Variants in KMT2C observed in about 807,000 individuals in gnomAD.
KMT2C encodes histone-lysine N-methyltransferase 2C.
A neutral mutation model predicts 507.9 loss-of-function variants in KMT2C; 88 were observed. The ratio of observed to expected loss-of-function variants is 0.17; its 90% CI spans 0.15 to 0.21. KMT2C has a LOEUF of 0.21. KMT2C is among the 10% of genes least tolerant of loss of function. KMT2C has a pLI of 1.00. For missense variants in KMT2C, 4,954 were observed against 5,957.8 expected (o/e 0.83, Z 5.55); for synonymous variants, 2,049 against 2,080.8 (o/e 0.98, Z 0.42).
Position 152,169,162 on chromosome 7 carries a change from T to A in KMT2C, c.9517+24A>T, listed in dbSNP as rs750912099. On this transcript the variant is annotated intron_variant, in intron 41 of 58. Transcript: ENST00000262189. ...GCAGACAAGCAATCCCCAGAAAACA[T>A]TAACTTATTAGATTTATACTTACTG... 6.9e-6 allele frequency: 10 copies of A among 1,448,192 alleles called. No homozygotes were observed. The East Asian group carries it at 2.3e-4, about 33-fold the overall frequency. 89.7% of individuals were successfully genotyped at this position (1,448,192 alleles called of 1,614,324 possible). A position where few individuals can be genotyped will look rare whatever the true frequency, so the allele number is the denominator to read the frequency against.
intron 1 of KMT2C, among the ~76,000 whole-genome samples, chr7:152,385,553 A>G (rs1163280698): frequency 1.0e-5 from 1 of 98,630 alleles, no homozygotes; most frequent in Non-Finnish European, 1.7e-5. Context: ...CGGAGCTTGC[A>G]GTGAGCCGAG....
intron 6 of KMT2C, among the ~76,000 whole-genome samples, chr7:152,307,205 G>A (rs1485490791): frequency 9.1e-6 from 1 of 110,418 alleles, no homozygotes; most frequent in African/African-American, 4.4e-5. Flanking sequence ...GAGGAAGGAA[G>A]GAAGGAAGGA....
intron 1 of KMT2C, among the ~76,000 whole-genome samples, chr7:152,435,026 G>A (rs1057418052): frequency 7.9e-5 from 12 of 152,094 alleles, no homozygotes; most frequent in South Asian, 2.1e-4. Context: ...GGGGAGGGGG[G>A]AGGAAGAAGT....
At chr7:152,241,029 A>G (rs2885111) in intron 14 of KMT2C, among the ~76,000 whole-genome samples, 1 of 152,070 alleles carries the variant, frequency 6.6e-6, no homozygotes, top group Non-Finnish European at 1.5e-5. Context: ...ACCTTTCCCA[A>G]TGCCTTTCTC....
chr7:152,221,256 C>CA (rs1205178462), intron 22 of KMT2C, among the ~76,000 whole-genome samples: 3 of 152,150 alleles, frequency 2.0e-5, no homozygotes, highest in Admixed American at 1.3e-4. Context: ...GACTCTGTCT[C>CA]AAAAAAGTCT....
chr7:152,153,874 C>A (rs1325079029), intron 48 of KMT2C, 136 bp downstream of exon 48: 1 of 820,950 alleles, frequency 1.2e-6, no homozygotes, highest in East Asian at 2.6e-5. Flanking sequence ...GAGAGGTCTG[C>A]AGTGAGCATC....
At chr7:152,257,854 TAC>T (rs1239220064) in intron 9 of KMT2C, among the ~76,000 whole-genome samples, 3 of 149,074 alleles carry the variant, frequency 2.0e-5, no homozygotes, top group Non-Finnish European at 2.9e-5. Context: ...GCCGATGAGC[TAC>T]ACACACACGC....
In KMT2C at chr7:152,148,195, C is replaced by A. The variant is rs2129094951; in HGVS notation, c.13732G>T (p.Val4578Leu). ...AFHSPKALFP[V>L]GYEASRLYWS... is the part of the protein sequence containing the mutation. ...TACAGCCGGCTGGCTTCATAGCCCA[C>A]AGGGAAGAGTGCTTTAGGAGAATGG... Residue 4578 changes from valine (V) to leucine (L), a missense_variant, in exon 52 of 59, where the codon GTG (valine) becomes TTG (leucine). By Grantham distance (32) the Val-to-Leu change is conservative (BLOSUM62 1). Transcript: ENST00000262189. The surrounding 1 kb of genome is among the most constrained non-coding windows in gnomAD (Gnocchi z 7.1). The A allele has an allele frequency of 3.1e-6, 5 of 1,614,214 alleles. No individual in the cohort carries two copies. The highest frequency in any genetic ancestry group is 4.2e-6 in the Non-Finnish European group (5 of 1,180,022).
In KMT2C at chr7:152,181,377, T is replaced by C; in HGVS notation, c.6483A>G (p.Gln2161=). 6.2e-7 allele frequency: 1 copy of C among 1,613,108 alleles called. No individual in the cohort carries two copies. The change falls in exon 36 of 59, where the codon CAA becomes CAG. Residue 2161 remains glutamine (Q), a synonymous_variant. Coordinates refer to ENST00000262189, the MANE Select transcript of KMT2C (RefSeq NM_170606.3). ...TARSNTDPYS[Q]PPGTPRPTTV... is the part of the protein sequence containing the mutation. The stretch of plus-strand genomic sequence containing the variant: ...TAGTAGGCCGGGGAGTTCCAGGAGG[T>C]TGAGAGTAAGGGTCTGTATTGGACC...
intron 2 of KMT2C, among the ~76,000 whole-genome samples, chr7:152,341,655 T>C (rs2096993769): frequency 6.6e-6 from 1 of 152,160 alleles, no homozygotes; most frequent in African/African-American, 2.4e-5. Context: ...CACCACAGTA[T>C]ATAATTTTAA....
chr7:152,349,507 T>G (rs1289865011), intron 2 of KMT2C, among the ~76,000 whole-genome samples: 2 of 151,864 alleles, frequency 1.3e-5, no homozygotes, highest in African/African-American at 4.8e-5. Context: ...TAAATGCATA[T>G]TATTAAGTGA....
intron 6 of KMT2C, among the ~76,000 whole-genome samples, chr7:152,308,673 CAAAAAAAAAA>C (rs938826373): frequency 1.1e-3 from 26 of 24,566 alleles, no homozygotes; most frequent in African/African-American, 3.0e-3. Flanking sequence ...AAACTCCTCT[CAAAAAAAAAA>C]AAAAAAAAAA....
chr7:152,152,586 A>AG, intron 49 of KMT2C, 119 bp downstream of exon 49: 1 of 1,236,116 alleles, frequency 8.1e-7, no homozygotes, highest in East Asian at 2.3e-5. Context: ...AAGTTCACCA[A>AG]GGACTATACG....
intron 27 of KMT2C, among the ~76,000 whole-genome samples, chr7:152,196,339 G>A (rs749837030): frequency 2.0e-5 from 3 of 152,206 alleles, no homozygotes; most frequent in Admixed American, 1.3e-4. Context: ...AAAGTGGCAT[G>A]TCTAAAAGTG....
intron 6 of KMT2C, among the ~76,000 whole-genome samples, chr7:152,282,089 C>T (rs111986420): frequency 4.0e-5 from 6 of 151,700 alleles, no homozygotes; most frequent in Admixed American, 2.6e-4. Flanking sequence ...ACCAGGAGTT[C>T]GAGACCAACC....
intron 42 of KMT2C, among the ~76,000 whole-genome samples, chr7:152,166,431 A>C (rs752969039): frequency 6.6e-6 from 1 of 152,086 alleles, no homozygotes; most frequent in Non-Finnish European, 1.5e-5. Flanking sequence ...CTGAACCTTA[A>C]GTTTTTAATT....
chr7:152,298,383 T>C (rs2360876), intron 6 of KMT2C, among the ~76,000 whole-genome samples: 1 of 151,986 alleles, frequency 6.6e-6, no homozygotes, highest in Non-Finnish European at 1.5e-5. Context: ...ATCAGGGATA[T>C]ATTATTAATA....
At chr7:152,338,599 A>AC (rs1489348810) in intron 2 of KMT2C, among the ~76,000 whole-genome samples, 4 of 152,248 alleles carry the variant, frequency 2.6e-5, no homozygotes, top group African/African-American at 9.6e-5. Context: ...TTTTAAAAAA[A>AC]GAATAACATC....
chr7:152,251,563 G>T (rs2095562545), intron 11 of KMT2C, among the ~76,000 whole-genome samples: 1 of 152,086 alleles, frequency 6.6e-6, no homozygotes. Flanking sequence ...GGCTGAAAAG[G>T]TGATAATTAA....
Sources: allele counts gnomAD v4.1 joint callset (sites outside exome capture counted in the v4.1 genomes callset), GRCh38; gene constraint gnomAD v4.1.1; non-coding constraint Gnocchi (gnomAD v3.1); transcripts MANE v1.5; gene names NCBI Gene and HGNC (gene_info 2026-07-23, HGNC 2026-07-21).